The following POLR3H variants were observed in gnomAD, a reference collection of about 807,000 sequenced individuals.
The protein encoded by POLR3H is DNA-directed RNA polymerase III subunit RPC8.
A neutral mutation model predicts 25.5 loss-of-function variants in POLR3H; 17 were observed. The ratio of observed to expected loss-of-function variants is 0.67; its 90% CI spans 0.46 to 1.00. The LOEUF is 1.00. POLR3H is among the 50% of genes least tolerant of loss of function. POLR3H has a pLI of 0.00. For missense variants in POLR3H, 274 were observed against 265.0 expected (o/e 1.03, Z -0.24); for synonymous variants, 129 against 103.0 (o/e 1.25, Z -1.53).
chr22:41,535,550 G>A (rs2082944719), intron 2 of POLR3H, among the ~76,000 whole-genome samples: 2 of 152,240 alleles, frequency 1.3e-5, no homozygotes, highest in South Asian at 2.1e-4. Context: ...AAGGAAGCTG[G>A]GCGCAGTGGC....
Position 41,532,654 on chromosome 22 carries a change from G to A in POLR3H, c.295+5C>T. ...TCTTGTCTGAGGCGTCAGGGCCACTGTTACCGTGCACTCCTTCTGGGCTGC... is the reference window on the plus strand; with the variant it reads ...TCTTGTCTGAGGCGTCAGGGCCACTATTACCGTGCACTCCTTCTGGGCTGC... On this transcript the variant is annotated splice_donor_5th_base_variant and intron_variant, in intron 3 of 5. Coordinates refer to ENST00000355209, the MANE Select transcript of POLR3H (RefSeq NM_001018050.4). 1.2e-6 allele frequency: 2 copies of A among 1,614,042 alleles called. No individual in the cohort carries two copies. The highest frequency in any genetic ancestry group is 1.7e-6 in the Non-Finnish European group (2 of 1,179,974).
chr22:41,533,686 C>T (rs1193182401), intron 2 of POLR3H: 2 of 1,304,032 alleles, frequency 1.5e-6, no homozygotes, highest in Non-Finnish European at 2.0e-6. Flanking sequence ...GGACCTCTCA[C>T]CCTGGGAAGA....
chr22:41,544,482 T>G (rs534053273), upstream of POLR3H: 21 of 156,134 alleles, frequency 1.3e-4, 2 homozygotes, highest in East Asian at 3.7e-3. Context: ...CGGGCGAGAT[T>G]CCGAATCCAT....
chr22:41,532,038 TC>T lies in POLR3H; in HGVS notation c.359+55del, dbSNP rs1291020972. The T allele has an allele frequency of 9.8e-6, 15 of 1,532,896 alleles. No homozygotes were observed. The East Asian group carries it at 3.1e-4, about 32-fold the overall frequency. 95.0% of individuals were successfully genotyped at this position (1,532,896 alleles called of 1,614,324 possible). A position where few individuals can be genotyped will look rare whatever the true frequency, so the allele number is the denominator to read the frequency against. On this transcript the variant is annotated intron_variant, in intron 4 of 5. Coordinates refer to ENST00000355209, the MANE Select transcript of POLR3H (RefSeq NM_001018050.4). ...AGGCCACCCTAAGGAGTGGGGACCT[TC>T]CTTTGGAGAGGCCTGAGCTCCCTGT...
rs2066633850 is a variant in POLR3H, at chr22:41,527,780, G to A, written c.*1503C>T. ...AGCAGACCAGGGCCCCATAGTCACT[G>A]CCCGGGCATTGTCCCAGGCAGCAGG... On this transcript the variant is annotated 3_prime_UTR_variant, in exon 6 of 6. Transcript: ENST00000355209. 6.6e-7 allele frequency: 1 copy of A among 1,522,880 alleles called. No individual in the cohort carries two copies. The allele number at this position is 1,522,880 out of a possible 1,614,324, so 94.3% of individuals were successfully genotyped here.
At chr22:41,543,534 T>A (rs1171179626) in intron 1 of POLR3H, among the ~76,000 whole-genome samples, 1 of 151,946 alleles carries the variant, frequency 6.6e-6, no homozygotes, top group Non-Finnish European at 1.5e-5. Context: ...GGCAGGAGAA[T>A]CGCTTGAACC....
chr22:41,527,193 C>T lies in POLR3H; in HGVS notation c.*2090G>A. On this transcript the variant is annotated 3_prime_UTR_variant, in exon 6 of 6. Coordinates refer to ENST00000355209, the MANE Select transcript of POLR3H (RefSeq NM_001018050.4). Reference sequence around the variant, plus strand: ...CCTTTACCGGGAGCCTCAGGATGCCCAGGCGCCAGGTGGGTGAGGCCAGGC... The same window carrying T: ...CCTTTACCGGGAGCCTCAGGATGCCTAGGCGCCAGGTGGGTGAGGCCAGGC... 1 of 1,584,300 alleles carries T rather than the reference C, an allele frequency of 6.3e-7. No homozygotes were observed. The highest frequency in any genetic ancestry group is 1.1e-5 in the South Asian group (1 of 89,148).
At position 41,544,012 on chromosome 22, in the gene POLR3H, C is replaced by T; in HGVS notation, c.90G>A (p.Leu30=). The T allele has an allele frequency of 6.2e-7, 1 of 1,613,688 alleles. No individual in the cohort carries two copies. Among genetic ancestry groups the T allele is most frequent in the Non-Finnish European group, 8.5e-7 (1 of 1,179,576 alleles). ...RKLNDSIAEE[L]NKKLANKVVY... ...GTACCTTGTTGGCCAACTTCTTGTT[C>T]AGCTCCTCGGCAATGGAGTCGTTGA... is the stretch of plus-strand genomic sequence containing the variant. Residue 30 remains leucine (L), a synonymous_variant, in exon 1 of 6, where the codon CTG becomes CTA. Coordinates refer to ENST00000355209, the MANE Select transcript of POLR3H (RefSeq NM_001018050.4).
Position 41,544,422 on chromosome 22 carries a change from A to ACCGCGCACCGCGCACCGCGCACCG in POLR3H, c.-322_-321insCGGTGCGCGGTGCGCGGTGCGCGG, listed in dbSNP as rs1555894480. ...CGCGCCACGTGCCGCCGCTCGTATC[A>ACCGCGCACCGCGCACCGCGCACCG]CGCACCACGCACCACGCACCGCGCA... On this transcript the variant is annotated 5_prime_UTR_variant, in exon 1 of 6. Transcript: ENST00000355209. 4 of 187,010 alleles carry ACCGCGCACCGCGCACCGCGCACCG rather than the reference A, an allele frequency of 2.1e-5. No individual in the cohort carries two copies. The highest frequency in any genetic ancestry group is 1.5e-4 in the South Asian group (1 of 6,714). 11.6% of individuals were successfully genotyped at this position (187,010 alleles called of 1,614,324 possible). A position where few individuals can be genotyped will look rare whatever the true frequency, so the allele number is the denominator to read the frequency against.
At position 41,544,297 on chromosome 22, in the gene POLR3H, G is replaced by A; in HGVS notation, c.-196C>T. The A allele has an allele frequency of 1.9e-6, 1 of 535,830 alleles. No individual in the cohort carries two copies. The highest frequency in any genetic ancestry group is 3.3e-6 in the Non-Finnish European group (1 of 300,576). 33.2% of individuals were successfully genotyped at this position (535,830 alleles called of 1,614,324 possible). ...CTACAACATGAGGAAACTGAGGCCA[G>A]AGGGAGGCACTCTCCGTCCACAGCT... On this transcript the variant is annotated 5_prime_UTR_variant, in exon 1 of 6. Transcript: ENST00000355209.
rs1569023304 is a variant in POLR3H at position 41,525,898 on chromosome 22, G to A, written c.*3385C>T. Reference sequence around the variant, plus strand: ...CCCCTGTGACAGAAGAGACTAATCAGTCATCAGCCAGGACCCAGGCATGTC... The same window carrying A: ...CCCCTGTGACAGAAGAGACTAATCAATCATCAGCCAGGACCCAGGCATGTC... On this transcript the variant is annotated 3_prime_UTR_variant, in exon 6 of 6. Transcript: ENST00000355209. 4.4e-6 allele frequency: 1 copy of A among 228,168 alleles called. No individual in the cohort carries two copies. Among genetic ancestry groups the A allele is most frequent in the Admixed American group, 5.2e-5 (1 of 19,336 alleles). The allele number at this position is 228,168 out of a possible 1,614,324, so 14.1% of individuals were successfully genotyped here.
chr22:41,528,365 T>C lies in POLR3H; in HGVS notation c.*918A>G. The C allele has an allele frequency of 6.9e-7, 1 of 1,446,354 alleles. No individual in the cohort carries two copies. Among genetic ancestry groups the C allele is most frequent in the Admixed American group, 2.2e-5 (1 of 45,992 alleles). The allele number at this position is 1,446,354 out of a possible 1,614,324, so 89.6% of individuals were successfully genotyped here. A position where few individuals can be genotyped will look rare whatever the true frequency, so the allele number is the denominator to read the frequency against. On this transcript the variant is annotated 3_prime_UTR_variant, in exon 6 of 6. Transcript: ENST00000355209. ...AGGCACAGACTGGCCTAGGATTTGG[T>C]TTGCCTGCTGACCTCTTAGGTCCCC... is the stretch of plus-strand genomic sequence containing the variant.
intron 2 of POLR3H, among the ~76,000 whole-genome samples, chr22:41,534,415 C>T (rs1029560797): frequency 5.9e-5 from 9 of 152,322 alleles, no homozygotes; most frequent in Admixed American, 6.5e-5. Context: ...TGAACCTTCA[C>T]ATGGGGCCAA....
At position 41,532,700 on chromosome 22, in the gene POLR3H, A is replaced by G; in HGVS notation, c.254T>C (p.Leu85Pro). 6.2e-7 allele frequency: 1 copy of G among 1,614,038 alleles called. No homozygotes were observed. ...GCTGCAGCCTTTGATCTTCCCAATG[A>G]GAATCTCATCTAGGAATGGATGAAA... ...VVFHPFLDEI[L>P]IGKIKGCSPE... The change falls in exon 3 of 6, where the codon CTC becomes CCC. Residue 85 changes from leucine (L) to proline (P), a missense_variant. Physicochemically the swap from Leu to Pro is moderately conservative, Grantham distance 98 (BLOSUM62 -3). Transcript: ENST00000355209.
chr22:41,544,209 C>T lies in POLR3H; in HGVS notation c.-108G>A. The T allele has an allele frequency of 1.5e-6, 1 of 666,316 alleles. No individual in the cohort carries two copies. The highest frequency in any genetic ancestry group is 2.6e-6 in the Non-Finnish European group (1 of 384,660). The allele number at this position is 666,316 out of a possible 1,614,324, so 41.3% of individuals were successfully genotyped here. A position where few individuals can be genotyped will look rare whatever the true frequency, so the allele number is the denominator to read the frequency against. On this transcript the variant is annotated 5_prime_UTR_variant, in exon 1 of 6. An upstream open reading frame in the 5' UTR gains an earlier in-frame stop. Coordinates refer to ENST00000355209, the MANE Select transcript of POLR3H (RefSeq NM_001018050.4). ...GGTCCCGTCCCAGTCGCTGAGGCCC[C>T]CAGGCTGGCGGTGAGGTTGCACGGG...
intron 5 of POLR3H, among the ~76,000 whole-genome samples, chr22:41,530,220 A>C (rs565172871): frequency 6.7e-6 from 1 of 148,626 alleles, no homozygotes; most frequent in Non-Finnish European, 1.5e-5. Context: ...CTTAAGGGAT[A>C]CTCCCATCTC....
chr22:41,542,232 T>C (rs945439814), intron 1 of POLR3H, among the ~76,000 whole-genome samples: 1 of 152,132 alleles, frequency 6.6e-6, no homozygotes, highest in African/African-American at 2.4e-5. Flanking sequence ...TACAGGTGCC[T>C]GCCACCATGC....
At chr22:41,532,628 G>A (rs772426835) in intron 3 of POLR3H, 31 bp downstream of exon 3, 3 of 1,613,844 alleles carry the variant, frequency 1.9e-6, no homozygotes, top group East Asian at 4.5e-5. Context: ...GTGTTCCCAA[G>A]TCTTGTCTGA....
intron 2 of POLR3H, chr22:41,540,416 C>T (rs1490270130): frequency 5.0e-5 from 22 of 441,096 alleles, no homozygotes; most frequent in South Asian, 3.3e-4. Flanking sequence ...AATTCCTGGC[C>T]GATTCAGGAT....
Sources: allele counts gnomAD v4.1 joint callset (sites outside exome capture counted in the v4.1 genomes callset), GRCh38; gene constraint gnomAD v4.1.1; transcripts MANE v1.5; gene names NCBI Gene and HGNC (gene_info 2026-07-23, HGNC 2026-07-21).